The following HERPUD2 variants were observed in gnomAD, a reference collection of about 807,000 sequenced individuals.
HERPUD2 encodes HERPUD family member 2.
A neutral mutation model predicts 49.9 loss-of-function variants in HERPUD2; 13 were observed. The observed-to-expected ratio is 0.26, with a 90% CI of 0.17 to 0.41. The LOEUF is 0.41. HERPUD2 is among the 10% of genes least tolerant of loss of function. HERPUD2 has a pLI of 1.00. For missense variants in HERPUD2, 449 were observed against 492.2 expected, an observed-to-expected ratio of 0.91 and a Z score of 0.83; for synonymous variants, 172 against 171.4, an observed-to-expected ratio of 1.00 and a Z score of -0.03.
chr7:35,635,009 G>A (rs181239164), intron 7 of HERPUD2, 126 bp downstream of exon 7: 2 of 659,870 alleles, frequency 3.0e-6, no homozygotes, highest in African/African-American at 1.8e-5. Context: ...TCAAAAACAT[G>A]CCAGATATCT....
At chr7:35,652,565 T>C (rs539387478) in intron 5 of HERPUD2, among the ~76,000 whole-genome samples, 3 of 149,842 alleles carry the variant, frequency 2.0e-5, no homozygotes, top group Admixed American at 2.0e-4. Flanking sequence ...GCAGATATAT[T>C]TGAAGTGAAG....
chr7:35,691,908 T>C (rs768235913), intron 2 of HERPUD2, among the ~76,000 whole-genome samples: 4 of 145,792 alleles, frequency 2.7e-5, no homozygotes, highest in African/African-American at 8.5e-5. Context: ...ACTTACTAAA[T>C]CTAGTAACTA....
chr7:35,654,968 C>T lies in HERPUD2; in HGVS notation c.494+12466G>A, dbSNP rs539966639. On this transcript the variant is annotated intron_variant, in intron 5 of 8. Transcript: ENST00000311350. ...CTCCTGGGTTCAAGCGATGCTCCTGCCTCAGCCTCCAGAGTAGCTGGGATT... is the reference window on the plus strand; with the variant it reads ...CTCCTGGGTTCAAGCGATGCTCCTGTCTCAGCCTCCAGAGTAGCTGGGATT... Among the ~76,000 whole-genome samples the T allele has an allele frequency of 3.3e-4, 50 of 152,312 alleles. No individual in the cohort carries two copies. The South Asian group carries it at 9.9e-3, about 30-fold the overall frequency.
intron 2 of HERPUD2, 45 bp from the exon 3 acceptor site, chr7:35,673,323 C>T: frequency 6.9e-7 from 1 of 1,458,012 alleles, no homozygotes; most frequent in Non-Finnish European, 9.5e-7. Context: ...TCTAATTATG[C>T]AAATTGAAGG....
chr7:35,651,496 A>C (rs1158003512), intron 5 of HERPUD2, among the ~76,000 whole-genome samples: 1 of 152,020 alleles, frequency 6.6e-6, no homozygotes, highest in Non-Finnish European at 1.5e-5. Flanking sequence ...GACAAAATTC[A>C]TACAGAGACT....
chr7:35,667,410 C>T (rs752123928), intron 5 of HERPUD2, 24 bp downstream of exon 5: 1 of 1,595,440 alleles, frequency 6.3e-7, no homozygotes, highest in African/African-American at 1.3e-5. Flanking sequence ...AATCACATTC[C>T]ATAGCTACCA....
chr7:35,680,837 A>G (rs1486943874), intron 2 of HERPUD2, among the ~76,000 whole-genome samples: 1 of 152,222 alleles, frequency 6.6e-6, no homozygotes, highest in Admixed American at 6.5e-5. Flanking sequence ...CTCTTAAATA[A>G]AAGTGCCAAG....
At chr7:35,678,650 T>C (rs1204781478) in intron 2 of HERPUD2, among the ~76,000 whole-genome samples, 2 of 152,208 alleles carry the variant, frequency 1.3e-5, no homozygotes, top group Non-Finnish European at 2.9e-5. Flanking sequence ...GGAAATCTTT[T>C]AATTAATTTT....
intron 5 of HERPUD2, among the ~76,000 whole-genome samples, chr7:35,658,675 C>T (rs1356900459): frequency 2.0e-5 from 3 of 152,106 alleles, no homozygotes; most frequent in African/African-American, 4.8e-5. Context: ...TAAAACAAGG[C>T]TGTTACTATT....
chr7:35,634,488 T>C, intron 7 of HERPUD2, 59 bp from the exon 8 acceptor site: 1 of 986,650 alleles, frequency 1.0e-6, no homozygotes, highest in Non-Finnish European at 1.6e-6. Context: ...TTTGTAACAC[T>C]ATAAAATGTT....
At chr7:35,666,650 C>G (rs1785542075) in intron 5 of HERPUD2, among the ~76,000 whole-genome samples, 1 of 152,220 alleles carries the variant, frequency 6.6e-6, no homozygotes, top group Admixed American at 6.5e-5. Context: ...GTAAAACAGT[C>G]TGCTTTCACA....
chr7:35,656,019 G>C (rs905410970), intron 5 of HERPUD2, among the ~76,000 whole-genome samples: 2 of 151,942 alleles, frequency 1.3e-5, no homozygotes, highest in East Asian at 3.9e-4. Flanking sequence ...AAAATTAGCC[G>C]GGCATCATGG....
At chr7:35,647,172 G>A (rs544379534) in intron 5 of HERPUD2, among the ~76,000 whole-genome samples, 3 of 152,176 alleles carry the variant, frequency 2.0e-5, no homozygotes, top group East Asian at 1.9e-4. Flanking sequence ...CCATACAAGC[G>A]ACCAAGCAGC....
At chr7:35,683,469 T>C (rs1252606251) in intron 2 of HERPUD2, among the ~76,000 whole-genome samples, 1 of 152,198 alleles carries the variant, frequency 6.6e-6, no homozygotes, top group Non-Finnish European at 1.5e-5. Context: ...ATAAAAATTA[T>C]AGATGATAAT....
intron 2 of HERPUD2, 48 bp downstream of exon 2, chr7:35,694,136 C>G (rs370790777): frequency 6.2e-7 from 1 of 1,609,084 alleles, no homozygotes; most frequent in Admixed American, 1.7e-5. Context: ...GTACACGGCA[C>G]GAAAAGCTGC....
In HERPUD2 at chr7:35,694,351, G is replaced by A; in HGVS notation, c.-21C>T. The A allele has an allele frequency of 6.2e-7, 1 of 1,613,936 alleles. No homozygotes were observed. Among genetic ancestry groups the A allele is most frequent in the Non-Finnish European group, 8.5e-7 (1 of 1,179,826 alleles). On this transcript the variant is annotated 5_prime_UTR_variant, in exon 2 of 9. Transcript: ENST00000311350. ...TCCATGGTGCCCCCAAAGTCAGACA[G>A]AGTCCAGAGGAGCGGCAGTTAAGCC... is the stretch of plus-strand genomic sequence containing the variant.
chr7:35,658,561 A>C (rs1007122207), intron 5 of HERPUD2, among the ~76,000 whole-genome samples: 12 of 152,254 alleles, frequency 7.9e-5, no homozygotes, highest in African/African-American at 2.9e-4. Flanking sequence ...TGTAATGATC[A>C]TCACATGAAC....
chr7:35,682,747 A>G (rs748565910), intron 2 of HERPUD2, among the ~76,000 whole-genome samples: 2 of 152,010 alleles, frequency 1.3e-5, no homozygotes, highest in African/African-American at 2.4e-5. Flanking sequence ...AATGTACACA[A>G]ATCAGTAGCA....
chr7:35,656,110 T>A (rs1785269797), intron 5 of HERPUD2, among the ~76,000 whole-genome samples: 2 of 152,084 alleles, frequency 1.3e-5, no homozygotes. Flanking sequence ...TGCAGTAAGC[T>A]GAGATTGTGC....
Sources: allele counts gnomAD v4.1 joint callset (sites outside exome capture counted in the v4.1 genomes callset), GRCh38; gene constraint gnomAD v4.1.1; transcripts MANE v1.5; gene names NCBI Gene and HGNC (gene_info 2026-07-23, HGNC 2026-07-21).